EYS: variants seen among roughly 807,000 people sequenced by gnomAD.
EYS encodes protein eyes shut homolog.
EYS carries 250 observed loss-of-function variants against 282.1 expected under a neutral mutation model. The observed-to-expected ratio is 0.89, with a 90% CI of 0.80 to 0.98. The LOEUF (loss-of-function observed/expected upper bound fraction) is 0.98. EYS is among the 50% of genes least tolerant of loss of function. The pLI, the probability that EYS is intolerant of heterozygous loss-of-function variation, is 0.00. For synonymous variants in EYS, 1,355 were observed against 1,282.9 expected (o/e 1.06, Z -1.20); for missense variants, 4,016 against 3,709.0 (o/e 1.08, Z -2.15).
intron 1 of EYS, 40 bp downstream of exon 1, chr6:65,707,095 A>G (rs149645523): frequency 3.9e-4 from 59 of 152,286 alleles, no homozygotes; most frequent in African/African-American, 1.4e-3. Context: ...TTATCTAGTA[A>G]TAGAAAAATA....
At chr6:65,599,109 A>T (rs1765522920) in intron 2 of EYS, among the ~76,000 whole-genome samples, 2 of 152,040 alleles carry the variant, frequency 1.3e-5, no homozygotes, top group Admixed American at 1.3e-4. Context: ...ATGGACAAAA[A>T]ATGTTGGCCT....
chr6:65,083,250 C>G (rs1774275386), intron 12 of EYS, among the ~76,000 whole-genome samples: 1 of 151,844 alleles, frequency 6.6e-6, no homozygotes, highest in Non-Finnish European at 1.5e-5. Context: ...TCAGTAGAAC[C>G]AAGAAATCAG....
chr6:64,329,693 GT>G, intron 29 of EYS, among the ~76,000 whole-genome samples: 1 of 152,252 alleles, frequency 6.6e-6, no homozygotes, highest in South Asian at 2.1e-4. Flanking sequence ...ATATAGACCA[GT>G]TCCTTAAATT....
At chr6:65,613,058 A>G (rs571370518) in intron 2 of EYS, among the ~76,000 whole-genome samples, 5 of 151,820 alleles carry the variant, frequency 3.3e-5, no homozygotes, top group Non-Finnish European at 7.4e-5. Flanking sequence ...TGTAAATGAA[A>G]CAGCTACAGA....
chr6:65,630,778 T>A (rs980918221), intron 2 of EYS, among the ~76,000 whole-genome samples: 1 of 152,218 alleles, frequency 6.6e-6, no homozygotes, highest in African/African-American at 2.4e-5. Flanking sequence ...AGTACTTGTC[T>A]AAAATAGTAA....
chr6:64,839,343 A>G (rs1765491594), intron 19 of EYS, among the ~76,000 whole-genome samples: 1 of 152,074 alleles, frequency 6.6e-6, no homozygotes, highest in Non-Finnish European at 1.5e-5. Context: ...AAAATTTACT[A>G]TAACAAAAAT....
At chr6:64,323,841 C>G (rs1377125337) in intron 29 of EYS, among the ~76,000 whole-genome samples, 3 of 152,058 alleles carry the variant, frequency 2.0e-5, no homozygotes, top group African/African-American at 7.2e-5. Flanking sequence ...CCATCCAGAT[C>G]TCCCTCTAGG....
At chr6:63,853,910 C>T (rs1278454452) in intron 36 of EYS, among the ~76,000 whole-genome samples, 3 of 149,332 alleles carry the variant, frequency 2.0e-5, no homozygotes, top group South Asian at 4.2e-4. Context: ...GTAAATGGTG[C>T]TGGGAAAACT....
chr6:63,935,443 G>A (rs1765030559), intron 35 of EYS, among the ~76,000 whole-genome samples: 1 of 152,190 alleles, frequency 6.6e-6, no homozygotes, highest in Non-Finnish European at 1.5e-5. Flanking sequence ...ACTATATTTG[G>A]AGATAGGGCC....
At chr6:65,538,079 AG>A (rs1768025425) in intron 2 of EYS, among the ~76,000 whole-genome samples, 1 of 152,184 alleles carries the variant, frequency 6.6e-6, no homozygotes, top group Non-Finnish European at 1.5e-5. Context: ...TAACTTGATT[AG>A]GTGAGTTGTT....
At chr6:64,536,514 T>A (rs895985275) in intron 26 of EYS, among the ~76,000 whole-genome samples, 1 of 152,162 alleles carries the variant, frequency 6.6e-6, no homozygotes, top group Admixed American at 6.5e-5. Context: ...TAAATAACTG[T>A]GACATTTTGA....
At chr6:64,164,242 T>C (rs1393437955) in intron 31 of EYS, among the ~76,000 whole-genome samples, 1 of 152,116 alleles carries the variant, frequency 6.6e-6, no homozygotes, top group Non-Finnish European at 1.5e-5. Context: ...GCACAGAGTT[T>C]GTTTTTTAGT....
At chr6:65,258,511 A>AAAGTTGATGTAG (rs1260137179) in intron 12 of EYS, among the ~76,000 whole-genome samples, 1 of 152,088 alleles carries the variant, frequency 6.6e-6, no homozygotes, top group Non-Finnish European at 1.5e-5. Flanking sequence ...TTTCCCTTTA[A>AAAGTTGATGTAG]AAGTTGATGT....
intron 19 of EYS, among the ~76,000 whole-genome samples, chr6:64,882,172 C>T (rs1210152549): frequency 6.6e-6 from 1 of 151,678 alleles, no homozygotes; most frequent in Non-Finnish European, 1.5e-5. Flanking sequence ...ATACCAGGGA[C>T]AATGTCTTTC....
At position 63,720,912 on chromosome 6, in the gene EYS, C is replaced by T. The variant is rs908612569; in HGVS notation, c.9119G>A (p.Cys3040Tyr). 6.4e-7 allele frequency: 1 copy of T among 1,551,060 alleles called. No individual in the cohort carries two copies. The highest frequency in any genetic ancestry group is 1.4e-5 in the African/African-American group (1 of 73,132). ...VPMSYNNGTF[C>Y]CNKWHHVVVI... is the part of the protein sequence containing the mutation. The stretch of plus-strand genomic sequence containing the variant: ...AACTACATGGTGCCATTTATTACAA[C>T]AGAATGTGCCATTGTTATAGCTCAT... Residue 3040 changes from cysteine to tyrosine, a missense_variant, in exon 43 of 43, where the codon TGT becomes TAT. Coordinates refer to ENST00000503581, the MANE Select transcript of EYS (RefSeq NM_001142800.2).
chr6:64,343,871 GGATATCACCACT>G (rs1303031590), intron 29 of EYS, among the ~76,000 whole-genome samples: 1 of 151,862 alleles, frequency 6.6e-6, no homozygotes, highest in Admixed American at 6.6e-5. Flanking sequence ...ATGATAAAGG[GGATATCACCACT>G]GATCCCACAG....
At chr6:63,879,854 G>A (rs1332052599) in intron 35 of EYS, among the ~76,000 whole-genome samples, 1 of 152,144 alleles carries the variant, frequency 6.6e-6, no homozygotes, top group Non-Finnish European at 1.5e-5. Context: ...CAGGATAACA[G>A]GGGTAAACAG....
At chr6:65,065,653 G>A (rs150693670) in intron 12 of EYS, among the ~76,000 whole-genome samples, 2,200 of 152,152 alleles carry the variant, frequency 0.014, 34 homozygotes, top group Non-Finnish European at 0.022. Flanking sequence ...AAAGTGCTGG[G>A]ATTACAGGCG....
In EYS at chr6:63,939,304, A is replaced by G. The variant is rs144724017; in HGVS notation, c.7055+45079T>C. Among the ~76,000 whole-genome samples, 238 of 152,300 alleles carry G rather than the reference A, an allele frequency of 1.6e-3. 3 individuals are homozygous for G. Among genetic ancestry groups the G allele is most frequent in the African/African-American group, 5.5e-3 (228 of 41,570 alleles). On this transcript the variant is annotated intron_variant, in intron 35 of 42. Coordinates refer to ENST00000503581, the MANE Select transcript of EYS (RefSeq NM_001142800.2). The stretch of plus-strand genomic sequence containing the variant: ...CCAAGTTTGTAAAATTTTCATAGGC[A>G]TGATAAAGACGCAGGAAAGTCCCCA...
Sources: allele counts gnomAD v4.1 joint callset (sites outside exome capture counted in the v4.1 genomes callset), GRCh38; gene constraint gnomAD v4.1.1; transcripts MANE v1.5; gene names NCBI Gene and HGNC (gene_info 2026-07-23, HGNC 2026-07-21).